The following CHODL variants were observed in gnomAD, a reference collection of about 807,000 sequenced individuals.
CHODL encodes transmembrane protein MT75.
Under a neutral mutation model 34.5 loss-of-function variants are expected in CHODL, and 29 were observed. The observed-to-expected ratio is 0.84, with a 90% CI of 0.63 to 1.15. The LOEUF (loss-of-function observed/expected upper bound fraction) is 1.15, where lower values mean the gene tolerates loss of function less well. CHODL is among the 50% of genes most tolerant of loss of function. The pLI, the probability that CHODL is intolerant of heterozygous loss-of-function variation, is 0.00. For missense variants in CHODL, 332 were observed against 332.5 expected, an observed-to-expected ratio of 1.00 and a Z score of 0.01; for synonymous variants, 125 against 116.1, an observed-to-expected ratio of 1.08 and a Z score of -0.49.
At chr21:18,159,862 A>T (rs576201225) in intron 2 of CHODL, among the ~76,000 whole-genome samples, 2 of 152,066 alleles carry the variant, frequency 1.3e-5, no homozygotes, top group Non-Finnish European at 2.9e-5. Flanking sequence ...GAGGAAGAGG[A>T]CCATGAGCCA....
intron 2 of CHODL, among the ~76,000 whole-genome samples, chr21:18,035,157 T>C (rs1396392763): frequency 6.6e-6 from 1 of 152,038 alleles, no homozygotes; most frequent in Non-Finnish European, 1.5e-5. Context: ...GTGTTCTTCG[T>C]TTCCTTGTGT....
At chr21:18,009,894 A>AAAAAAAAAT (rs1385569572) in intron 1 of CHODL, among the ~76,000 whole-genome samples, 7 of 150,248 alleles carry the variant, frequency 4.7e-5, no homozygotes, top group East Asian at 4.0e-4. Context: ...TCTCAAAAAA[A>AAAAAAAAAT]AAAAAATAAC....
chr21:18,031,151 T>C (rs157739), intron 2 of CHODL, among the ~76,000 whole-genome samples: 101,844 of 151,912 alleles, frequency 0.67, 35,024 homozygotes, highest in African/African-American at 0.79. Flanking sequence ...TAGGAAGATG[T>C]GAAGCCCCTG....
chr21:17,919,868 A>T (rs1033853407), intron 1 of CHODL, among the ~76,000 whole-genome samples: 1 of 152,190 alleles, frequency 6.6e-6, no homozygotes. Flanking sequence ...CTTTTGCCAG[A>T]TACCCTAAAT....
intron 1 of CHODL, among the ~76,000 whole-genome samples, chr21:17,973,284 G>C (rs1307959172): frequency 6.6e-6 from 1 of 152,120 alleles, no homozygotes; most frequent in East Asian, 1.9e-4. Context: ...AGCCAAAATT[G>C]ACAAATGGGA....
chr21:18,061,838 A>G (rs989476564), intron 2 of CHODL, among the ~76,000 whole-genome samples: 8 of 152,226 alleles, frequency 5.3e-5, no homozygotes, highest in African/African-American at 1.7e-4. Context: ...AACTTGGGAT[A>G]AAGGTGATTC....
chr21:18,142,676 T>C (rs1451842777), intron 2 of CHODL, among the ~76,000 whole-genome samples: 4 of 152,152 alleles, frequency 2.6e-5, no homozygotes, highest in Non-Finnish European at 5.9e-5. Flanking sequence ...TCATTTTCTA[T>C]TCCAAGAATT....
chr21:18,039,927 A>C (rs1164501145), intron 2 of CHODL, among the ~76,000 whole-genome samples: 1 of 151,840 alleles, frequency 6.6e-6, no homozygotes, highest in African/African-American at 2.4e-5. Context: ...TTCATTTAAC[A>C]CATGTTGAGA....
intron 1 of CHODL, among the ~76,000 whole-genome samples, chr21:17,938,738 A>C (rs1250502242): frequency 6.6e-6 from 1 of 151,970 alleles, no homozygotes; most frequent in Non-Finnish European, 1.5e-5. Flanking sequence ...TGTGCCTCCC[A>C]AAGTGCTGGG....
chr21:18,000,198 G>C (rs1940698513), intron 1 of CHODL, among the ~76,000 whole-genome samples: 1 of 151,854 alleles, frequency 6.6e-6, no homozygotes, highest in Admixed American at 6.6e-5. Context: ...TCTGACTTAG[G>C]GCCTCAGTCA....
At chr21:18,204,089 A>C (rs1036046430) in intron 2 of CHODL, among the ~76,000 whole-genome samples, 1 of 152,154 alleles carries the variant, frequency 6.6e-6, no homozygotes, top group Non-Finnish European at 1.5e-5. Flanking sequence ...GAAATGAAGT[A>C]AAACACATTT....
intron 1 of CHODL, among the ~76,000 whole-genome samples, chr21:18,008,698 G>T (rs567537682): frequency 6.6e-6 from 1 of 152,238 alleles, no homozygotes; most frequent in South Asian, 2.1e-4. Context: ...TTTCAAGGCT[G>T]AATAATAAGG....
At chr21:17,975,070 G>A (rs1310888797) in intron 1 of CHODL, among the ~76,000 whole-genome samples, 1 of 152,046 alleles carries the variant, frequency 6.6e-6, no homozygotes, top group Non-Finnish European at 1.5e-5. Context: ...GCTCATGCCT[G>A]TAATCCCAGC....
chr21:18,208,138 A>T (rs528700730), intron 2 of CHODL, among the ~76,000 whole-genome samples: 79 of 148,586 alleles, frequency 5.3e-4, no homozygotes, highest in African/African-American at 1.8e-3. Flanking sequence ...TAGATTTTGC[A>T]GGTGTGTTTC....
At chr21:17,929,476 AAGAG>A (rs1321846790) in intron 1 of CHODL, among the ~76,000 whole-genome samples, 1 of 152,348 alleles carries the variant, frequency 6.6e-6, no homozygotes, top group South Asian at 2.1e-4. Context: ...GATCATCTAA[AAGAG>A]AGAGCACAAC....
At chr21:17,938,829 A>AG (rs747254943) in intron 1 of CHODL, among the ~76,000 whole-genome samples, 67 of 152,012 alleles carry the variant, frequency 4.4e-4, no homozygotes, top group Non-Finnish European at 4.9e-4. Context: ...GCAAATTCCC[A>AG]GGGGCATACA....
chr21:17,974,301 C>A (rs905504548), intron 1 of CHODL, among the ~76,000 whole-genome samples: 2 of 152,118 alleles, frequency 1.3e-5, no homozygotes, highest in Non-Finnish European at 2.9e-5. Context: ...GAGATAGAGT[C>A]TCACTCTGTT....
intron 2 of CHODL, among the ~76,000 whole-genome samples, chr21:18,065,993 A>G (rs2064727301): frequency 6.6e-6 from 1 of 152,210 alleles, no homozygotes; most frequent in Non-Finnish European, 1.5e-5. Flanking sequence ...GTATTTGTTA[A>G]GTTTCAATGA....
intron 1 of CHODL, among the ~76,000 whole-genome samples, chr21:17,987,688 A>G (rs551947772): frequency 1.6e-4 from 25 of 152,340 alleles, no homozygotes; most frequent in Non-Finnish European, 3.1e-4. Context: ...AAAAGCAAAG[A>G]GCTACCCATG....
Sources: gnomAD v4.1 joint callset for allele counts (sites outside exome capture counted in the v4.1 genomes callset) on GRCh38, gnomAD v4.1.1 for gene constraint, MANE v1.5 for transcripts, NCBI Gene and HGNC (gene_info 2026-07-23, HGNC 2026-07-21) for gene names.